Variants in PLEK observed in about 807,000 individuals in gnomAD.
PLEK encodes platelet 47 kDa protein.
A neutral mutation model predicts 43.9 loss-of-function variants in PLEK; 25 were observed. The observed-to-expected ratio is 0.57, with a 90% CI of 0.41 to 0.79. The LOEUF (loss-of-function observed/expected upper bound fraction) is 0.79. Ranked by LOEUF, PLEK falls within the 30% of genes least tolerant of loss-of-function variation. PLEK has a pLI of 0.00. For missense variants in PLEK, 396 were observed against 413.3 expected (o/e 0.96, Z 0.36); for synonymous variants, 152 against 144.4 (o/e 1.05, Z -0.38).
Position 68,393,162 on chromosome 2 carries a change from G to T in PLEK, c.763G>T (p.Gly255Trp). 1 of 1,598,926 alleles carries T rather than the reference G, an allele frequency of 6.3e-7. No homozygotes were observed. The highest frequency in any genetic ancestry group is 8.6e-7 in the Non-Finnish European group (1 of 1,166,190). ...IIKQGCLLKQ[G>W]HRRKNWKVRK... is the part of the protein sequence containing the mutation. Reference sequence around the variant, plus strand: ...CTTTTAATGTTGATCCTGGATACAGGGGCATAGAAGGAAAAACTGGAAAGT... The same window carrying T: ...CTTTTAATGTTGATCCTGGATACAGTGGCATAGAAGGAAAAACTGGAAAGT... Residue 255 changes from glycine to tryptophan, a missense_variant and splice_region_variant, in exon 7 of 9, where the codon GGG becomes TGG. Coordinates refer to ENST00000234313, the MANE Select transcript of PLEK (RefSeq NM_002664.3).
At chr2:68,378,996 T>A (rs1673559141) in intron 1 of PLEK, among the ~76,000 whole-genome samples, 1 of 151,928 alleles carries the variant, frequency 6.6e-6, no homozygotes, top group African/African-American at 2.4e-5. Context: ...TAGCTGGGTG[T>A]GGTTGTGCAC....
At chr2:68,368,752 C>T (rs1673332359) in intron 1 of PLEK, among the ~76,000 whole-genome samples, 1 of 152,204 alleles carries the variant, frequency 6.6e-6, no homozygotes, top group African/African-American at 2.4e-5. Context: ...ACCTAGACTC[C>T]TCCAAGTCAT....
chr2:68,367,254 T>TTTTTGATTCTC (rs1553356458), intron 1 of PLEK, among the ~76,000 whole-genome samples: 5 of 11,398 alleles, frequency 4.4e-4, no homozygotes, highest in Non-Finnish European at 6.1e-4. Flanking sequence ...TAAGATTCTC[T>TTTTTGATTCTC]TTTTTTTTTT....
At chr2:68,373,578 A>G (rs1191756463) in intron 1 of PLEK, among the ~76,000 whole-genome samples, 2 of 110,038 alleles carry the variant, frequency 1.8e-5, no homozygotes, top group African/African-American at 9.1e-5. Context: ...AAAGTATAAT[A>G]AAGAAAATAA....
intron 2 of PLEK, 90 bp downstream of exon 2, chr2:68,380,573 G>C (rs1673593028): frequency 1.4e-6 from 2 of 1,450,118 alleles, no homozygotes; most frequent in Non-Finnish European, 1.9e-6. Flanking sequence ...GGTGCTCCTT[G>C]GGCTGGTCCC....
At chr2:68,367,976 G>T (rs562757186) in intron 1 of PLEK, among the ~76,000 whole-genome samples, 1 of 152,286 alleles carries the variant, frequency 6.6e-6, no homozygotes, top group Admixed American at 6.5e-5. Context: ...AAGTTGTTTT[G>T]GGTGGAAAAA....
chr2:68,369,367 T>C (rs1673346323), intron 1 of PLEK, among the ~76,000 whole-genome samples: 1 of 152,114 alleles, frequency 6.6e-6, no homozygotes, highest in Admixed American at 6.6e-5. Context: ...TATGTGGCCC[T>C]CGTGGGCTCG....
chr2:68,371,027 A>G (rs1401683248), intron 1 of PLEK, among the ~76,000 whole-genome samples: 8 of 152,198 alleles, frequency 5.3e-5, no homozygotes, highest in Non-Finnish European at 2.9e-5. Flanking sequence ...AGCAAGCCCA[A>G]GGGTTAGCAG....
At chr2:68,384,406 G>A (rs1416994912) in intron 4 of PLEK, among the ~76,000 whole-genome samples, 1 of 152,028 alleles carries the variant, frequency 6.6e-6, no homozygotes, top group African/African-American at 2.4e-5. Context: ...TGTATTTTTA[G>A]TAGATTCGGG....
intron 1 of PLEK, among the ~76,000 whole-genome samples, chr2:68,377,690 A>G (rs1247350195): frequency 6.6e-6 from 1 of 152,076 alleles, no homozygotes; most frequent in Non-Finnish European, 1.5e-5. Context: ...TCAGATGGGT[A>G]GTTTGCAAAT....
intron 7 of PLEK, among the ~76,000 whole-genome samples, chr2:68,393,685 G>T (rs980072974): frequency 6.6e-6 from 1 of 152,210 alleles, no homozygotes; most frequent in Non-Finnish European, 1.5e-5. Flanking sequence ...TTTAAAGCAT[G>T]AAGACAACTC....
chr2:68,379,160 TA>T (rs1673561838), intron 1 of PLEK, among the ~76,000 whole-genome samples: 1 of 151,762 alleles, frequency 6.6e-6, no homozygotes, highest in Non-Finnish European at 1.5e-5. Flanking sequence ...AAATAAAATT[TA>T]AAAAAAGAGA....
intron 6 of PLEK, among the ~76,000 whole-genome samples, chr2:68,390,638 G>C (rs931202638): frequency 7.2e-5 from 11 of 152,212 alleles, no homozygotes; most frequent in African/African-American, 2.4e-4. Flanking sequence ...AATCACCCAA[G>C]GGATTTTCAG....
intron 6 of PLEK, among the ~76,000 whole-genome samples, chr2:68,391,505 A>G (rs1164997099): frequency 3.3e-5 from 5 of 152,258 alleles, no homozygotes; most frequent in Admixed American, 2.6e-4. Context: ...TATAGCAGGT[A>G]GGAATATTTT....
intron 1 of PLEK, among the ~76,000 whole-genome samples, chr2:68,374,550 AC>A (rs1673467725): frequency 6.6e-6 from 1 of 152,216 alleles, no homozygotes; most frequent in South Asian, 2.1e-4. Flanking sequence ...AGGATAACTT[AC>A]AATAAGGTAC....
intron 6 of PLEK, among the ~76,000 whole-genome samples, chr2:68,389,979 A>G (rs2103782831): frequency 6.6e-6 from 1 of 152,278 alleles, no homozygotes; most frequent in Middle Eastern, 3.4e-3. Context: ...TATTTCTTGA[A>G]TTAGTTGATT....
At chr2:68,371,623 T>A (rs1673406559) in intron 1 of PLEK, among the ~76,000 whole-genome samples, 1 of 152,224 alleles carries the variant, frequency 6.6e-6, no homozygotes, top group Admixed American at 6.5e-5. Flanking sequence ...GAATGAAGTT[T>A]AAAAACTTTC....
chr2:68,384,369 T>C (rs942552457), intron 4 of PLEK, among the ~76,000 whole-genome samples: 1 of 152,068 alleles, frequency 6.6e-6, no homozygotes, highest in Non-Finnish European at 1.5e-5. Context: ...GGATTACAGA[T>C]GTGCACCACC....
At chr2:68,374,347 C>T (rs1186776639) in intron 1 of PLEK, among the ~76,000 whole-genome samples, 1 of 152,134 alleles carries the variant, frequency 6.6e-6, no homozygotes. Flanking sequence ...TGAAAAGAAT[C>T]CATGATTCAA....
Sources: gnomAD v4.1 joint callset for allele counts (sites outside exome capture counted in the v4.1 genomes callset) on GRCh38, gnomAD v4.1.1 for gene constraint, MANE v1.5 for transcripts, NCBI Gene and HGNC (gene_info 2026-07-23, HGNC 2026-07-21) for gene names.